Variants in INTS1 observed in about 807,000 individuals in gnomAD.
The protein encoded by INTS1 is integrator complex subunit 1.
In INTS1, 137 loss-of-function variants were observed where a neutral mutation model predicts 241.6. The ratio of observed to expected loss-of-function variants is 0.57; its 90% confidence interval spans 0.49 to 0.65. The LOEUF is 0.65. Among genes scored for constraint, INTS1 ranks in the 30% least tolerant of loss-of-function variants. The pLI, the probability that INTS1 is intolerant of heterozygous loss-of-function variation, is 0.00. For synonymous variants in INTS1, 1,692 were observed against 1,337.8 expected, an observed-to-expected ratio of 1.26 and a Z score of -5.78; for missense variants, 3,073 against 3,032.2, an observed-to-expected ratio of 1.01 and a Z score of -0.32.
chr7:1,490,499 A>G (rs1358078732), intron 16 of INTS1, among the ~76,000 whole-genome samples: 1 of 152,218 alleles, frequency 6.6e-6, no homozygotes, highest in Non-Finnish European at 1.5e-5. Context: ...AACCCCTGAA[A>G]GGGTGTCGCC....
At position 1,484,095 on chromosome 7, in the gene INTS1, A is replaced by C. The variant is rs1226326794; in HGVS notation, c.3337T>G (p.Ser1113Ala). 3.1e-6 allele frequency: 5 copies of C among 1,612,428 alleles called. No homozygotes were observed. The South Asian group carries it at 5.5e-5, about 18-fold the overall frequency. Reference sequence around the variant, plus strand: ...AACAGAGCGCTCAGCACGGCGTCCGACGCGGCACTCGGGGAGAGCTTCGAG... The same window carrying C: ...AACAGAGCGCTCAGCACGGCGTCCGCCGCGGCACTCGGGGAGAGCTTCGAG... ...LFSKLSPSAA[S>A]DAVLSALLSI... Residue 1113 changes from serine to alanine, a missense_variant, in exon 25 of 48, where the codon TCG becomes GCG. By Grantham distance (99) the Ser-to-Ala change is moderately conservative (BLOSUM62 1). Coordinates refer to ENST00000404767, the MANE Select transcript of INTS1 (RefSeq NM_001080453.3).
At chr7:1,478,931 G>A (rs768919485) in intron 31 of INTS1, 46 bp from the exon 32 acceptor site, 34 of 1,559,952 alleles carry the variant, frequency 2.2e-5, no homozygotes, top group East Asian at 6.9e-5. Flanking sequence ...GAGGACACAC[G>A]GGGACCCGGC....
At chr7:1,486,847 T>C in intron 21 of INTS1, 73 bp from the exon 22 acceptor site, 3 of 1,409,016 alleles carry the variant, frequency 2.1e-6, no homozygotes, top group Non-Finnish European at 2.8e-6. Context: ...GCGCGGCTGG[T>C]GGGCTCAGGC....
At position 1,496,226 on chromosome 7, in the gene INTS1, C is replaced by T; in HGVS notation, c.1641G>A (p.Val547=). Residue 547 remains valine (V), a synonymous_variant, in exon 12 of 48, where the codon GTG becomes GTA. Coordinates refer to ENST00000404767, the MANE Select transcript of INTS1 (RefSeq NM_001080453.3). ...FVVHITDVLA[V]SMMLGITAQV... The stretch of plus-strand genomic sequence containing the variant: ...GCGCTGTGATGCCCAGCATCATGGA[C>T]ACGGCCAGGACGTCGGTGATGTGCA... The T allele has an allele frequency of 6.2e-7, 1 of 1,613,862 alleles. No homozygotes were observed. The highest frequency in any genetic ancestry group is 1.1e-5 in the South Asian group (1 of 91,092).
In INTS1 at chr7:1,475,345, G is replaced by A. The variant is rs189929324; in HGVS notation, c.5503-507C>T. Reference sequence around the variant, plus strand: ...GGCTGCAGTGAGCTATGATGGTACCGCTGCACTCCAGCCTTGGCAACAGAC... The same window carrying A: ...GGCTGCAGTGAGCTATGATGGTACCACTGCACTCCAGCCTTGGCAACAGAC... On this transcript the variant is annotated intron_variant, in intron 39 of 47. Coordinates refer to ENST00000404767, the MANE Select transcript of INTS1 (RefSeq NM_001080453.3). 1.7e-3 allele frequency among the ~76,000 whole-genome samples: 253 copies of A among 152,146 alleles called. 2 individuals carry two copies. Among genetic ancestry groups the A allele is most frequent in the Non-Finnish European group, 2.5e-3 (173 of 68,012 alleles).
chr7:1,471,235 G>T lies in INTS1; in HGVS notation c.6256-11C>A. ...CCGCTGCAGGTTGGTCTGACCGGGGGAAAGGTGGGAGGTGTGTGACCAAGG... is the reference window on the plus strand; with the variant it reads ...CCGCTGCAGGTTGGTCTGACCGGGGTAAAGGTGGGAGGTGTGTGACCAAGG... On this transcript the variant is annotated splice_polypyrimidine_tract_variant and intron_variant, in intron 45 of 47. Transcript: ENST00000404767. 3 of 1,567,758 alleles carry T rather than the reference G, an allele frequency of 1.9e-6. No homozygotes were observed. Among genetic ancestry groups the T allele is most frequent in the Non-Finnish European group, 2.6e-6 (3 of 1,157,520 alleles).
chr7:1,498,210 A>T, intron 10 of INTS1: 1 of 741,682 alleles, frequency 1.3e-6, no homozygotes, highest in East Asian at 2.7e-5. Context: ...TCTGAGAAAG[A>T]CGCTGGGCGC....
At position 1,470,853 on chromosome 7, in the gene INTS1, C is replaced by T; in HGVS notation, c.6450G>A (p.Leu2150=). ...CGGGGGGCCAGTCCTCACCTTGGCA[C>T]AGGAGAGCGTACTCAGGCAGGTTCC... The part of the protein sequence containing the change: ...ALRNLPEYAL[L]CQEHAAVLLH... Residue 2150 remains leucine, a synonymous_variant, in exon 47 of 48, where the codon CTG becomes CTA. Coordinates refer to ENST00000404767, the MANE Select transcript of INTS1 (RefSeq NM_001080453.3). 1.3e-6 allele frequency: 2 copies of T among 1,588,374 alleles called. No individual in the cohort carries two copies. Among genetic ancestry groups the T allele is most frequent in the Non-Finnish European group, 1.7e-6 (2 of 1,168,226 alleles).
At position 1,489,366 on chromosome 7, in the gene INTS1, G is replaced by A. The variant is rs1285804829; in HGVS notation, c.2296C>T (p.Leu766Phe). 2 of 1,609,922 alleles carry A rather than the reference G, an allele frequency of 1.2e-6. No individual in the cohort carries two copies. The highest frequency in any genetic ancestry group is 2.2e-5 in the East Asian group (1 of 44,790). The change falls in exon 18 of 48, where the codon CTC becomes TTC. Residue 766 changes from leucine (L) to phenylalanine (F), a missense_variant. Coordinates refer to ENST00000404767, the MANE Select transcript of INTS1 (RefSeq NM_001080453.3). ...AWEEYPTLKM[L>F]MEMVMTNNYS... The stretch of plus-strand genomic sequence containing the variant: ...CACTTGGTCATCACCATCTCCATGA[G>A]CATCTTCAGGGTCGGGTACTCCTCC...
At chr7:1,487,594 G>A in intron 19 of INTS1, 145 bp from the exon 20 acceptor site, 1 of 1,285,640 alleles carries the variant, frequency 7.8e-7, no homozygotes, top group Non-Finnish European at 1.1e-6. Context: ...CCAAGGCCTG[G>A]CCCCACAGCA....
chr7:1,482,006 C>A (rs139623482), intron 27 of INTS1, among the ~76,000 whole-genome samples: 74 of 152,264 alleles, frequency 4.9e-4, no homozygotes, highest in Admixed American at 7.8e-4. Flanking sequence ...TGCCCCGAAG[C>A]CATCGGTGGC....
chr7:1,483,123 T>C (rs1276398457), intron 26 of INTS1: 1 of 214,984 alleles, frequency 4.7e-6, no homozygotes, highest in African/African-American at 2.3e-5. Flanking sequence ...TGTGACTGTG[T>C]CTGCCTCCCA....
At chr7:1,482,766 C>T in intron 26 of INTS1, 59 bp from the exon 27 acceptor site, 1 of 1,578,984 alleles carries the variant, frequency 6.3e-7, no homozygotes, top group Non-Finnish European at 8.6e-7. Context: ...GCCCCAAGCA[C>T]CGCTGGTGCC....
chr7:1,485,029 A>C, intron 24 of INTS1, 69 bp downstream of exon 24: 3 of 335,680 alleles, frequency 8.9e-6, no homozygotes, highest in South Asian at 2.6e-5. Flanking sequence ...TCCCCTCCCC[A>C]GGGCCACACT....
chr7:1,482,410 T>TG, intron 27 of INTS1, 136 bp downstream of exon 27: 1 of 814,536 alleles, frequency 1.2e-6, no homozygotes, highest in Non-Finnish European at 1.9e-6. Flanking sequence ...ACATATGGTC[T>TG]GCAGGATCCC....
In INTS1 at chr7:1,481,257, G is replaced by A. The variant is rs551497967; in HGVS notation, c.3850+85C>T. The A allele has an allele frequency of 1.1e-5, 17 of 1,504,098 alleles. No homozygotes were observed. The highest frequency in any genetic ancestry group is 1.7e-4 in the Middle Eastern group (1 of 5,884). 93.2% of individuals were successfully genotyped at this position (1,504,098 alleles called of 1,614,324 possible). A position where few individuals can be genotyped will look rare whatever the true frequency, so the allele number is the denominator to read the frequency against. On this transcript the variant is annotated intron_variant, in intron 28 of 47. Transcript: ENST00000404767. The surrounding 1 kb of genome is among the most constrained non-coding windows in gnomAD (Gnocchi z 6.8). Reference sequence around the variant, plus strand: ...CCACCCGACCTCGGATCACCCACCCGCTCGCACCCAGGCCCCAAAAGCCTG... The same window carrying A: ...CCACCCGACCTCGGATCACCCACCCACTCGCACCCAGGCCCCAAAAGCCTG...
In INTS1 at chr7:1,481,266, C is replaced by A; in HGVS notation, c.3850+76G>T. On this transcript the variant is annotated intron_variant, in intron 28 of 47. Coordinates refer to ENST00000404767, the MANE Select transcript of INTS1 (RefSeq NM_001080453.3). The surrounding 1 kb of genome is among the most constrained non-coding windows in gnomAD (Gnocchi z 6.8). ...CTCGGATCACCCACCCGCTCGCACC[C>A]AGGCCCCAAAAGCCTGGCCGGGCTG... The A allele has an allele frequency of 6.4e-7, 1 of 1,564,592 alleles. No individual in the cohort carries two copies. The highest frequency in any genetic ancestry group is 1.1e-5 in the South Asian group (1 of 89,100).
chr7:1,486,092 C>A (rs768621030), intron 22 of INTS1, among the ~76,000 whole-genome samples: 3 of 152,002 alleles, frequency 2.0e-5, no homozygotes, highest in African/African-American at 7.3e-5. Context: ...CACACTACCA[C>A]ACCTGGCTAA....
intron 26 of INTS1, chr7:1,483,474 C>T: frequency 1.8e-6 from 1 of 540,630 alleles, no homozygotes; most frequent in East Asian, 3.2e-5. Flanking sequence ...AGGACTCTGA[C>T]CCCAGGCTGT....
Sources: allele counts gnomAD v4.1 joint callset (sites outside exome capture counted in the v4.1 genomes callset), GRCh38; gene constraint gnomAD v4.1.1; non-coding constraint Gnocchi (gnomAD v3.1); transcripts MANE v1.5; gene names NCBI Gene and HGNC (gene_info 2026-07-23, HGNC 2026-07-21).